Variants in TMPRSS4 observed in about 807,000 individuals in gnomAD.
The protein encoded by TMPRSS4 is transmembrane protease serine 4.
A neutral mutation model predicts 56.4 loss-of-function variants in TMPRSS4; 45 were observed. The ratio of observed to expected loss-of-function variants is 0.80; its 90% confidence interval spans 0.63 to 1.02. TMPRSS4 has a LOEUF of 1.02. Ranked by LOEUF, TMPRSS4 falls within the 50% of genes least tolerant of loss-of-function variation. TMPRSS4 has a pLI of 0.00. For missense variants in TMPRSS4, 546 were observed against 556.7 expected, an observed-to-expected ratio of 0.98 and a Z score of 0.19; for synonymous variants, 205 against 211.0, an observed-to-expected ratio of 0.97 and a Z score of 0.25.
Position 118,111,182 on chromosome 11 carries a change from G to A in TMPRSS4, c.584-559G>A, listed in dbSNP as rs80172702. Among the ~76,000 whole-genome samples the A allele has an allele frequency of 5.3e-3, 808 of 152,326 alleles. 8 individuals carry two copies. The highest frequency in any genetic ancestry group is 0.019 in the African/African-American group (775 of 41,572). ...GAAAGGCAGAGCATGGGTGGAGAGG[G>A]GGGACCTGAGGGCTTTACAGGAGTT... On this transcript the variant is annotated intron_variant, in intron 7 of 12. Coordinates refer to ENST00000437212, the MANE Select transcript of TMPRSS4 (RefSeq NM_019894.4).
At chr11:118,098,281 C>T (rs45620133) in intron 2 of TMPRSS4, among the ~76,000 whole-genome samples, 609 of 151,682 alleles carry the variant, frequency 4.0e-3, no homozygotes, top group Non-Finnish European at 7.1e-3. Flanking sequence ...CTCCGTGCCT[C>T]CGACAGAGCT....
intron 1 of TMPRSS4, among the ~76,000 whole-genome samples, chr11:118,090,768 ACT>A (rs760733293): frequency 1.4e-4 from 21 of 150,194 alleles, no homozygotes; most frequent in Non-Finnish European, 1.8e-4. Context: ...ACAGAATGAG[ACT>A]CTGTCTCTCT....
Position 118,120,411 on chromosome 11 carries a change from C to CA in TMPRSS4, c.*2499dup, listed in dbSNP as rs1383863347. The CA allele has an allele frequency of 6.6e-6, 1 of 152,116 alleles. No individual in the cohort carries two copies. Among genetic ancestry groups the CA allele is most frequent in the Non-Finnish European group, 1.5e-5 (1 of 68,026 alleles). 9.4% of individuals were successfully genotyped at this position (152,116 alleles called of 1,614,324 possible). A position where few individuals can be genotyped will look rare whatever the true frequency, so the allele number is the denominator to read the frequency against. ...GATATATTGCTTTCCATAGAGACTG[C>CA]ACCATTTTACATTCCCATCAACAGT... is the stretch of plus-strand genomic sequence containing the variant. On this transcript the variant is annotated 3_prime_UTR_variant, in exon 13 of 13. Transcript: ENST00000437212.
chr11:118,085,064 C>T (rs963678587), intron 1 of TMPRSS4, among the ~76,000 whole-genome samples: 13 of 152,160 alleles, frequency 8.5e-5, no homozygotes, highest in Admixed American at 2.0e-4. Context: ...AAAATGTGCA[C>T]GGTGCTGAGC....
intron 9 of TMPRSS4, among the ~76,000 whole-genome samples, chr11:118,114,475 G>A (rs1423650458): frequency 1.3e-5 from 2 of 152,228 alleles, no homozygotes; most frequent in African/African-American, 4.8e-5. Context: ...GGCCAAGGTA[G>A]GGTAGGCAAG....
At chr11:118,078,646 C>T (rs1944881322) in intron 1 of TMPRSS4, among the ~76,000 whole-genome samples, 1 of 152,142 alleles carries the variant, frequency 6.6e-6, no homozygotes, top group Non-Finnish European at 1.5e-5. Flanking sequence ...GTGGAGTCTA[C>T]CTAGCTGTGA....
intron 1 of TMPRSS4, among the ~76,000 whole-genome samples, chr11:118,090,654 T>C (rs955740931): frequency 1.3e-5 from 2 of 148,824 alleles, no homozygotes; most frequent in African/African-American, 4.9e-5. Context: ...GGTGCATGCC[T>C]GTAGTCCCAG....
intron 5 of TMPRSS4, chr11:118,106,377 T>A (rs548824417): frequency 4.6e-4 from 70 of 152,292 alleles, no homozygotes; most frequent in African/African-American, 1.7e-3. Flanking sequence ...TCCTTCTAGG[T>A]CTCAGACTTC....
intron 1 of TMPRSS4, among the ~76,000 whole-genome samples, chr11:118,092,927 A>G (rs1186430564): frequency 6.6e-6 from 1 of 152,222 alleles, no homozygotes; most frequent in Non-Finnish European, 1.5e-5. Context: ...TAAACCTCAC[A>G]GTAGTCTTTT....
At position 118,098,060 on chromosome 11, in the gene TMPRSS4, G is replaced by A. The variant is rs545882471; in HGVS notation, c.44-925G>A. Among the ~76,000 whole-genome samples the A allele has an allele frequency of 3.9e-5, 6 of 152,264 alleles. No homozygotes were observed. The East Asian group carries it at 9.6e-4, about 24-fold the overall frequency. On this transcript the variant is annotated intron_variant, in intron 2 of 12. Transcript: ENST00000437212. ...GCTGGGATTACAGGCGTGAGCCACC[G>A]CACTGGACCAGATCCATCTTCCTAA...
intron 8 of TMPRSS4, 44 bp from the exon 9 acceptor site, chr11:118,113,225 C>T: frequency 6.3e-7 from 1 of 1,575,310 alleles, no homozygotes; most frequent in Non-Finnish European, 8.6e-7. Context: ...GCAAAGTCTC[C>T]TCAGGCTTGG....
In TMPRSS4 at chr11:118,112,012, G is replaced by A; in HGVS notation, c.743+112G>A. On this transcript the variant is annotated intron_variant, in intron 8 of 12. Coordinates refer to ENST00000437212, the MANE Select transcript of TMPRSS4 (RefSeq NM_019894.4). ...TTCTCTTCACTCTCCCACTAGAGAC[G>A]TTTTCCAGGTTGTGGTGGCCCCAAT... is the stretch of plus-strand genomic sequence containing the variant. 9.1e-6 allele frequency: 13 copies of A among 1,433,100 alleles called. No homozygotes were observed. In the South Asian group the frequency reaches 1.1e-4, roughly 12 times the overall value. The allele number at this position is 1,433,100 out of a possible 1,614,324, so 88.8% of individuals were successfully genotyped here.
chr11:118,124,109 A>G (rs922505521), downstream of TMPRSS4, among the ~76,000 whole-genome samples: 1 of 152,156 alleles, frequency 6.6e-6, no homozygotes, highest in Non-Finnish European at 1.5e-5. Flanking sequence ...AGGAGGGGCC[A>G]GGCATGGTGG....
chr11:118,111,800 T>C lies in TMPRSS4; in HGVS notation c.643T>C (p.Ser215Pro). The C allele has an allele frequency of 6.2e-7, 1 of 1,604,518 alleles. No homozygotes were observed. The highest frequency in any genetic ancestry group is 1.1e-5 in the South Asian group (1 of 89,356). ...VVGVEEASVD[S>P]WPWQVSIQYD... ...GGGTGTGGAGGAGGCCTCTGTGGAT[T>C]CTTGGCCTTGGCAGGTCAGCATCCA... Residue 215 changes from serine (S) to proline (P), a missense_variant, in exon 8 of 13, where the codon TCT becomes CCT. Coordinates refer to ENST00000437212, the MANE Select transcript of TMPRSS4 (RefSeq NM_019894.4).
intron 3 of TMPRSS4, among the ~76,000 whole-genome samples, chr11:118,100,268 A>G (rs909866105): frequency 3.3e-5 from 5 of 152,226 alleles, no homozygotes; most frequent in Non-Finnish European, 7.3e-5. Context: ...ATCACACAGC[A>G]GCAGACAAAA....
chr11:118,109,507 C>T (rs1327456703), intron 7 of TMPRSS4, among the ~76,000 whole-genome samples: 2 of 152,202 alleles, frequency 1.3e-5, no homozygotes, highest in Non-Finnish European at 2.9e-5. Flanking sequence ...AAGACCTGGG[C>T]ACCAGTCCTG....
chr11:118,118,587 G>A lies in TMPRSS4; in HGVS notation c.*674G>A, dbSNP rs2135474972. 3.0e-6 allele frequency: 3 copies of A among 985,488 alleles called. No homozygotes were observed. Among genetic ancestry groups the A allele is most frequent in the Non-Finnish European group, 3.6e-6 (3 of 830,024 alleles). The allele number at this position is 985,488 out of a possible 1,614,324, so 61.0% of individuals were successfully genotyped here. On this transcript the variant is annotated 3_prime_UTR_variant, in exon 13 of 13. Transcript: ENST00000437212. ...TAGAGGCAGGGGAAAAAAGAGTTAGGGAGACCAGATCTGCTGAGTGGCAGC... is the reference window on the plus strand; with the variant it reads ...TAGAGGCAGGGGAAAAAAGAGTTAGAGAGACCAGATCTGCTGAGTGGCAGC...
intron 1 of TMPRSS4, among the ~76,000 whole-genome samples, chr11:118,077,598 G>A (rs74735351): frequency 0.033 from 4,986 of 152,208 alleles, 261 homozygotes; most frequent in African/African-American, 0.11. Context: ...ATGTTCTTTT[G>A]CCCAATGTCT....
At chr11:118,109,381 C>T (rs1179614466) in intron 7 of TMPRSS4, among the ~76,000 whole-genome samples, 1 of 152,218 alleles carries the variant, frequency 6.6e-6, no homozygotes, top group Non-Finnish European at 1.5e-5. Flanking sequence ...TAATTGGCCA[C>T]TATCCTTGGT....
Sources: gnomAD v4.1 joint callset for allele counts (sites outside exome capture counted in the v4.1 genomes callset) on GRCh38, gnomAD v4.1.1 for gene constraint, MANE v1.5 for transcripts, NCBI Gene and HGNC (gene_info 2026-07-23, HGNC 2026-07-21) for gene names.